Variants in DLC1 observed in about 807,000 individuals in gnomAD.
The protein encoded by DLC1 is rho GTPase-activating protein 7.
In DLC1, 54 loss-of-function variants were observed where a neutral mutation model predicts 140.3. That is an observed-to-expected ratio of 0.38 (90% CI 0.31 to 0.48). The LOEUF (loss-of-function observed/expected upper bound fraction) is 0.48. Among genes scored for constraint, DLC1 ranks in the 20% least tolerant of loss-of-function variants. The probability of loss-of-function intolerance (pLI) is 0.96; values close to 1 mark genes in which losing one functional copy is unlikely to be tolerated. For synonymous variants in DLC1, 986 were observed against 728.1 expected (o/e 1.35, Z -5.70); for missense variants, 2,536 against 1,907.0 (o/e 1.33, Z -6.14).
At chr8:13,463,831 C>G (rs750133725) in intron 2 of DLC1, among the ~76,000 whole-genome samples, 24 of 151,986 alleles carry the variant, frequency 1.6e-4, no homozygotes, top group Admixed American at 5.9e-4. Flanking sequence ...AGAGGACCAT[C>G]TGGGGAGAGA....
chr8:13,336,019 G>A (rs543847854), intron 4 of DLC1, among the ~76,000 whole-genome samples: 388 of 152,000 alleles, frequency 2.6e-3, no homozygotes, highest in Non-Finnish European at 4.6e-3. Flanking sequence ...TATTGTACTG[G>A]AATTTTAACT....
Position 13,084,855 on chromosome 8 carries a change from A to C in DLC1, c.*956T>G, listed in dbSNP as rs555705494. ...GTCTTAAGGCGTTTCTGTTACAAAC[A>C]CAAAAATGCAAAGAATTCTAACAGG... On this transcript the variant is annotated 3_prime_UTR_variant, in exon 18 of 18. Transcript: ENST00000276297. 11 of 152,350 alleles carry C rather than the reference A, an allele frequency of 7.2e-5. No individual in the cohort carries two copies. In the East Asian group the frequency reaches 2.1e-3, roughly 29 times the overall value. 9.4% of individuals were successfully genotyped at this position (152,350 alleles called of 1,614,324 possible). A position where few individuals can be genotyped will look rare whatever the true frequency, so the allele number is the denominator to read the frequency against.
intron 5 of DLC1, among the ~76,000 whole-genome samples, chr8:13,188,803 A>G (rs4588856): frequency 0.13 from 5,259 of 40,772 alleles, 232 homozygotes; most frequent in African/African-American, 0.23. Flanking sequence ...GTGTGTGTGT[A>G]TATATATATA....
chr8:13,345,547 C>CTTTTTT (rs535092622), intron 4 of DLC1, among the ~76,000 whole-genome samples: 6,865 of 67,086 alleles, frequency 0.1, 894 homozygotes, highest in Non-Finnish European at 0.11. Context: ...TTCACTCACA[C>CTTTTTT]TTTTTTTTTT....
At chr8:13,564,347 C>CTGT (rs1167810389) in intron 1 of DLC1, among the ~76,000 whole-genome samples, 2 of 152,214 alleles carry the variant, frequency 1.3e-5, no homozygotes, top group East Asian at 3.9e-4. Flanking sequence ...CAAAAATGGC[C>CTGT]ATTACAGTGA....
chr8:13,424,665 C>A (rs532084763), intron 2 of DLC1, among the ~76,000 whole-genome samples: 1 of 151,872 alleles, frequency 6.6e-6, no homozygotes, highest in Non-Finnish European at 1.5e-5. Context: ...CTTCACCTCC[C>A]GGGTTCATGC....
In DLC1 at chr8:13,192,426, T is replaced by C. The variant is rs114589993; in HGVS notation, c.1349-76769A>G. On this transcript the variant is annotated intron_variant, in intron 5 of 17. Coordinates refer to ENST00000276297, the MANE Select transcript of DLC1 (RefSeq NM_182643.3). ...GAAATCACAGGAAGTTACCAGAGTT[T>C]TGAAGATTCAAGTCTTTTTTGTGTG... 9.5e-4 allele frequency among the ~76,000 whole-genome samples: 145 copies of C among 152,318 alleles called. 1 individual carries two copies. The highest frequency in any genetic ancestry group is 3.1e-3 in the African/African-American group (129 of 41,576).
At chr8:13,115,441 G>T in intron 6 of DLC1, 145 bp downstream of exon 6, 2 of 732,942 alleles carry the variant, frequency 2.7e-6, no homozygotes, top group Non-Finnish European at 4.2e-6. Context: ...TTTCAGCGGT[G>T]GGGGTCTTGC....
Position 13,099,456 on chromosome 8 carries a change from G to C in DLC1, c.2881C>G (p.Pro961Ala). The stretch of plus-strand genomic sequence containing the variant: ...TTGCCTGTGCTGTCCAGGTCGCTGG[G>C]TGTGGTTCGGTCGTTGTCCACATCC... ...HLDVDNDRTT[P>A]SDLDSTGNSL... Residue 961 changes from proline to alanine, a missense_variant, in exon 9 of 18, where the codon CCC becomes GCC. By Grantham distance (27) the Pro-to-Ala change is conservative. Coordinates refer to ENST00000276297, the MANE Select transcript of DLC1 (RefSeq NM_182643.3). 2 of 1,614,160 alleles carry C rather than the reference G, an allele frequency of 1.2e-6. No homozygotes were observed. The highest frequency in any genetic ancestry group is 1.7e-6 in the Non-Finnish European group (2 of 1,180,038).
At chr8:13,487,309 G>C (rs1801012155) in intron 2 of DLC1, among the ~76,000 whole-genome samples, 1 of 152,136 alleles carries the variant, frequency 6.6e-6, no homozygotes, top group Non-Finnish European at 1.5e-5. Flanking sequence ...TCCTGCCATA[G>C]GTTTGGGCTA....
At chr8:13,219,198 G>T (rs1828408899) in intron 5 of DLC1, among the ~76,000 whole-genome samples, 1 of 117,604 alleles carries the variant, frequency 8.5e-6, no homozygotes, top group African/African-American at 3.4e-5. Flanking sequence ...AACTATATAA[G>T]AATATAATTA....
At position 13,374,189 on chromosome 8, in the gene DLC1, G is replaced by A. The variant is rs1835856561; in HGVS notation, c.1314+19364C>T. ...CTCAGAATAAAAATGCAAGGTCAGT[G>A]GCTGTGTAGTTTGCTATGGATTCAG... On this transcript the variant is annotated intron_variant, in intron 4 of 17. Transcript: ENST00000276297. Among the ~76,000 whole-genome samples, 14 of 152,276 alleles carry A rather than the reference G, an allele frequency of 9.2e-5. No individual in the cohort carries two copies. The South Asian group carries it at 2.9e-3, about 32-fold the overall frequency.
At chr8:13,432,563 C>A (rs1046454020) in intron 2 of DLC1, among the ~76,000 whole-genome samples, 2 of 152,196 alleles carry the variant, frequency 1.3e-5, no homozygotes, top group East Asian at 3.8e-4. Flanking sequence ...AGGCAATACT[C>A]TAAATCAATT....
chr8:13,486,527 G>T (rs1269997495), intron 2 of DLC1, among the ~76,000 whole-genome samples: 1 of 152,006 alleles, frequency 6.6e-6, no homozygotes, highest in Non-Finnish European at 1.5e-5. Context: ...TCTCTGTGGG[G>T]CAGCAACTTC....
intron 5 of DLC1, among the ~76,000 whole-genome samples, chr8:13,145,709 A>G (rs1267772008): frequency 2.0e-5 from 3 of 152,258 alleles, no homozygotes; most frequent in African/African-American, 7.2e-5. Context: ...GAGCATAGCT[A>G]CATGCAACAA....
At chr8:13,106,222 C>G (rs966376767) in intron 7 of DLC1, among the ~76,000 whole-genome samples, 1 of 152,096 alleles carries the variant, frequency 6.6e-6, no homozygotes, top group Non-Finnish European at 1.5e-5. Flanking sequence ...AAGCCAAAAA[C>G]AAAGAAGAGA....
At chr8:13,154,588 C>T (rs531121147) in intron 5 of DLC1, among the ~76,000 whole-genome samples, 1 of 152,334 alleles carries the variant, frequency 6.6e-6, no homozygotes, top group Admixed American at 6.5e-5. Flanking sequence ...TCCCTCCACA[C>T]CTCCCGGCAA....
rs200394870 is a variant in DLC1 at position 13,100,437 on chromosome 8, C to A, written c.1900G>T (p.Asp634Tyr). ...VCSSSNLAGNDDSFGSLPSPK... is the reference protein window; with the variant it reads ...VCSSSNLAGNYDSFGSLPSPK... ...GAGGGCAGGCTGCCGAAAGAGTCGT[C>A]ATTGCCTGCCAAGTTGCTGGAGGAG... The change falls in exon 9 of 18, where the codon GAC becomes TAC. Residue 634 changes from aspartate to tyrosine, a missense_variant. Coordinates refer to ENST00000276297, the MANE Select transcript of DLC1 (RefSeq NM_182643.3). The A allele has an allele frequency of 6.2e-6, 10 of 1,614,014 alleles. No individual in the cohort carries two copies. The highest frequency in any genetic ancestry group is 8.5e-6 in the Non-Finnish European group (10 of 1,180,040).
chr8:13,123,098 T>C (rs1351000707), intron 5 of DLC1, among the ~76,000 whole-genome samples: 2 of 152,214 alleles, frequency 1.3e-5, no homozygotes, highest in Non-Finnish European at 2.9e-5. Context: ...GAGGACCCTC[T>C]ATCCTCCACT....
Sources: allele counts gnomAD v4.1 joint callset (sites outside exome capture counted in the v4.1 genomes callset), GRCh38; gene constraint gnomAD v4.1.1; transcripts MANE v1.5; gene names NCBI Gene and HGNC (gene_info 2026-07-23, HGNC 2026-07-21).